Variants in EXOC4 observed in about 807,000 individuals in gnomAD.
The protein encoded by EXOC4 is exocyst complex component 4.
A neutral mutation model predicts 107.2 loss-of-function variants in EXOC4; 71 were observed. The ratio of observed to expected loss-of-function variants is 0.66; its 90% CI spans 0.55 to 0.81. EXOC4 has a LOEUF of 0.81. EXOC4 is among the 30% of genes least tolerant of loss of function. The pLI is 0.00. For synonymous variants in EXOC4, 456 were observed against 441.2 expected (o/e 1.03, Z -0.42); for missense variants, 1,108 against 1,189.6 (o/e 0.93, Z 1.01).
At chr7:133,677,628 T>C (rs917796893) in intron 10 of EXOC4, among the ~76,000 whole-genome samples, 14 of 152,220 alleles carry the variant, frequency 9.2e-5, no homozygotes, top group African/African-American at 3.4e-4. Context: ...ATTTCGCAAA[T>C]ATTTCTTAAA....
At chr7:133,271,294 A>G (rs551064181) in intron 1 of EXOC4, among the ~76,000 whole-genome samples, 3 of 152,268 alleles carry the variant, frequency 2.0e-5, no homozygotes, top group South Asian at 4.1e-4. Flanking sequence ...ATTGTCTGAG[A>G]CATTGTATTT....
intron 8 of EXOC4, among the ~76,000 whole-genome samples, chr7:133,477,564 CT>C (rs1799048449): frequency 6.6e-6 from 1 of 152,150 alleles, no homozygotes; most frequent in Non-Finnish European, 1.5e-5. Context: ...TGAAGGACAT[CT>C]TGCTTGCTTC....
chr7:133,541,999 G>A (rs1800389443), intron 9 of EXOC4, among the ~76,000 whole-genome samples: 1 of 152,042 alleles, frequency 6.6e-6, no homozygotes, highest in Admixed American at 6.6e-5. Context: ...CAGGGCTCTT[G>A]TTAGGAATCT....
At chr7:134,029,081 C>G (rs1256186483) in intron 17 of EXOC4, among the ~76,000 whole-genome samples, 2 of 152,198 alleles carry the variant, frequency 1.3e-5, no homozygotes, top group African/African-American at 2.4e-5. Context: ...CTGACCCTGT[C>G]GAGGCCAAGA....
At chr7:133,517,675 G>A (rs572074265) in intron 9 of EXOC4, among the ~76,000 whole-genome samples, 1 of 131,972 alleles carries the variant, frequency 7.6e-6, no homozygotes, top group Non-Finnish European at 1.6e-5. Context: ...ATAGCATGGG[G>A]AAGACCCGCC....
intron 17 of EXOC4, among the ~76,000 whole-genome samples, chr7:134,050,920 A>G (rs1795769776): frequency 6.6e-6 from 1 of 152,172 alleles, no homozygotes; most frequent in Non-Finnish European, 1.5e-5. Flanking sequence ...TGGCCAGTTA[A>G]GAGGCAACTG....
chr7:133,328,705 C>A (rs1002862507), intron 5 of EXOC4, among the ~76,000 whole-genome samples: 1 of 152,112 alleles, frequency 6.6e-6, no homozygotes, highest in Non-Finnish European at 1.5e-5. Flanking sequence ...GATATGAAAT[C>A]CTAGGTTGAA....
At chr7:133,919,006 T>C (rs1411628102) in intron 13 of EXOC4, among the ~76,000 whole-genome samples, 2 of 152,224 alleles carry the variant, frequency 1.3e-5, no homozygotes, top group African/African-American at 2.4e-5. Flanking sequence ...AATCATACAC[T>C]ACAGTGCCAT....
chr7:133,688,619 G>A (rs1050206618), intron 10 of EXOC4, among the ~76,000 whole-genome samples: 2 of 152,086 alleles, frequency 1.3e-5, no homozygotes, highest in Non-Finnish European at 2.9e-5. Context: ...TTATCTTTCA[G>A]TATTGGCAAA....
chr7:133,573,012 G>A (rs1169423023), intron 9 of EXOC4, among the ~76,000 whole-genome samples: 2 of 152,090 alleles, frequency 1.3e-5, no homozygotes, highest in Non-Finnish European at 2.9e-5. Flanking sequence ...TATGTTTCAG[G>A]ATATAACCAT....
intron 5 of EXOC4, among the ~76,000 whole-genome samples, chr7:133,353,485 C>T (rs761858706): frequency 2.2e-4 from 33 of 152,028 alleles, no homozygotes; most frequent in Non-Finnish European, 3.7e-4. Context: ...CTTCTGGCCT[C>T]GGAAATTTCT....
rs10265065 is a variant in EXOC4 at position 133,430,199 on chromosome 7, G to A, written c.1183-45129G>A. Among the ~76,000 whole-genome samples the A allele has an allele frequency of 1.5e-3, 224 of 152,234 alleles. 2 individuals carry two copies. Among genetic ancestry groups the A allele is most frequent in the African/African-American group, 4.9e-3 (204 of 41,518 alleles). On this transcript the variant is annotated intron_variant, in intron 7 of 17. Coordinates refer to ENST00000253861, the MANE Select transcript of EXOC4 (RefSeq NM_021807.4). ...AGAGGATCTTCCCTCATCTCCAACC[G>A]TCCCCAGCTGAACTCCTTTCGACAT... is the stretch of plus-strand genomic sequence containing the variant.
chr7:133,687,989 T>C (rs1471971232), intron 10 of EXOC4, among the ~76,000 whole-genome samples: 1 of 152,232 alleles, frequency 6.6e-6, no homozygotes, highest in Non-Finnish European at 1.5e-5. Flanking sequence ...GTGTGAAATT[T>C]ACTTTTTTTA....
intron 9 of EXOC4, among the ~76,000 whole-genome samples, chr7:133,595,093 A>C (rs769300759): frequency 1.9e-4 from 29 of 151,370 alleles, no homozygotes; most frequent in Non-Finnish European, 4.0e-4. Context: ...TGGATGGAGG[A>C]GTGTAGGTAA....
In EXOC4 at chr7:133,524,513, C is replaced by G. The variant is rs1168509597; in HGVS notation, c.1417+44375C>G. Among the ~76,000 whole-genome samples, 216 of 134,078 alleles carry G rather than the reference C, an allele frequency of 1.6e-3. 1 individual carries two copies. The highest frequency in any genetic ancestry group is 2.6e-3 in the Non-Finnish European group (166 of 63,814). The allele number at this position is 134,078 out of a possible 152,430, so 88.0% of individuals were successfully genotyped here. On this transcript the variant is annotated intron_variant, in intron 9 of 17. Coordinates refer to ENST00000253861, the MANE Select transcript of EXOC4 (RefSeq NM_021807.4). Reference sequence around the variant, plus strand: ...TGGTGTTTTAGACATGAAGTCCTTGCCCATGCCTATGTCCTGAATGGTAAT... The same window carrying G: ...TGGTGTTTTAGACATGAAGTCCTTGGCCATGCCTATGTCCTGAATGGTAAT...
intron 17 of EXOC4, among the ~76,000 whole-genome samples, chr7:134,063,928 G>T (rs1796128121): frequency 1.3e-5 from 2 of 152,190 alleles, no homozygotes; most frequent in African/African-American, 4.8e-5. Flanking sequence ...GGGATTGAAT[G>T]AGACAAAACC....
intron 10 of EXOC4, among the ~76,000 whole-genome samples, chr7:133,786,042 A>G (rs753713242): frequency 6.6e-5 from 10 of 152,134 alleles, no homozygotes; most frequent in East Asian, 3.9e-4. Context: ...TCATACTTCA[A>G]CTTCTTTCCA....
chr7:133,533,060 A>G (rs187178356), intron 9 of EXOC4, among the ~76,000 whole-genome samples: 2 of 152,216 alleles, frequency 1.3e-5, no homozygotes, highest in African/African-American at 4.8e-5. Flanking sequence ...TCAGTATCTG[A>G]TTACAGAAGC....
intron 10 of EXOC4, among the ~76,000 whole-genome samples, chr7:133,743,543 A>G (rs1235503705): frequency 6.6e-6 from 1 of 152,140 alleles, no homozygotes; most frequent in African/African-American, 2.4e-5. Flanking sequence ...ATGACATGTC[A>G]TGTATTAAAT....
Sources: gnomAD v4.1 joint callset for allele counts (sites outside exome capture counted in the v4.1 genomes callset) on GRCh38, gnomAD v4.1.1 for gene constraint, MANE v1.5 for transcripts, NCBI Gene and HGNC (gene_info 2026-07-23, HGNC 2026-07-21) for gene names.